The following CHCHD6 variants were observed in gnomAD, a reference collection of about 807,000 sequenced individuals.
CHCHD6 encodes MICOS complex subunit MIC25.
CHCHD6 carries 28 observed loss-of-function variants against 32.3 expected under a neutral mutation model. That is an observed-to-expected ratio of 0.87 (90% CI 0.64 to 1.19). CHCHD6 has a LOEUF of 1.19. Among genes scored for constraint, CHCHD6 ranks in the 50% most tolerant of loss-of-function variants. The pLI is 0.00. For synonymous variants in CHCHD6, 122 were observed against 117.5 expected (o/e 1.04, Z -0.25); for missense variants, 333 against 307.0 (o/e 1.08, Z -0.63).
chr3:126,899,087 A>C (rs1342817130), intron 5 of CHCHD6, among the ~76,000 whole-genome samples: 1 of 152,202 alleles, frequency 6.6e-6, no homozygotes, highest in Non-Finnish European at 1.5e-5. Flanking sequence ...GTGATGTCTA[A>C]AAGAGTAGAC....
At chr3:126,708,673 A>G (rs754013242) in intron 1 of CHCHD6, among the ~76,000 whole-genome samples, 20 of 148,688 alleles carry the variant, frequency 1.3e-4, no homozygotes, top group Admixed American at 2.0e-4. Flanking sequence ...AAAAAGCTTT[A>G]TTGGGATGCA....
intron 5 of CHCHD6, among the ~76,000 whole-genome samples, chr3:126,864,991 A>G (rs1398689055): frequency 7.1e-6 from 1 of 141,650 alleles, no homozygotes; most frequent in African/African-American, 2.7e-5. Context: ...CACTACCACC[A>G]TCACCTTTTC....
intron 5 of CHCHD6, among the ~76,000 whole-genome samples, chr3:126,896,285 GTTCTCTC>G (rs2077837803): frequency 6.6e-6 from 1 of 152,216 alleles, no homozygotes; most frequent in African/African-American, 2.4e-5. Flanking sequence ...GAGGGCATAT[GTTCTCTC>G]TCCTCTGCTC....
At chr3:126,804,398 AG>A (rs1217096186) in intron 4 of CHCHD6, among the ~76,000 whole-genome samples, 2 of 152,230 alleles carry the variant, frequency 1.3e-5, no homozygotes, top group Admixed American at 6.5e-5. Context: ...CCGATCCCAC[AG>A]AAATACAAAC....
chr3:126,854,271 T>G (rs1399879619), intron 5 of CHCHD6, among the ~76,000 whole-genome samples: 1 of 152,142 alleles, frequency 6.6e-6, no homozygotes, highest in Non-Finnish European at 1.5e-5. Flanking sequence ...TAGATGATTG[T>G]GAAGAGTTAT....
chr3:126,758,908 A>ATTC (rs1306865377), intron 4 of CHCHD6, among the ~76,000 whole-genome samples: 4 of 152,324 alleles, frequency 2.6e-5, no homozygotes, highest in African/African-American at 9.6e-5. Context: ...CTGGTGTTCA[A>ATTC]TAAAGAGTAA....
At chr3:126,892,149 C>T (rs573864884) in intron 5 of CHCHD6, among the ~76,000 whole-genome samples, 17 of 152,312 alleles carry the variant, frequency 1.1e-4, no homozygotes, top group Non-Finnish European at 1.8e-4. Flanking sequence ...TACTACAGCT[C>T]GTCCTCCTCT....
chr3:126,946,160 C>T (rs1162214204), intron 6 of CHCHD6, among the ~76,000 whole-genome samples: 2 of 152,116 alleles, frequency 1.3e-5, no homozygotes, highest in African/African-American at 4.8e-5. Context: ...GAAACAGCGC[C>T]AGAAAGCTCT....
chr3:126,910,596 T>C (rs542025411), intron 5 of CHCHD6, among the ~76,000 whole-genome samples: 10 of 152,356 alleles, frequency 6.6e-5, no homozygotes, highest in African/African-American at 1.4e-4. Context: ...ATTTGACTTA[T>C]ACAGTGTTCC....
intron 4 of CHCHD6, among the ~76,000 whole-genome samples, chr3:126,756,107 T>G (rs1330064444): frequency 6.6e-6 from 1 of 152,104 alleles, no homozygotes; most frequent in Non-Finnish European, 1.5e-5. Flanking sequence ...GAGAGCCTGA[T>G]GGACATTGCA....
intron 4 of CHCHD6, among the ~76,000 whole-genome samples, chr3:126,799,601 C>T (rs930838685): frequency 6.6e-6 from 1 of 152,166 alleles, no homozygotes; most frequent in Non-Finnish European, 1.5e-5. Flanking sequence ...AGCAGAGATT[C>T]TCAGAGCTCG....
intron 6 of CHCHD6, among the ~76,000 whole-genome samples, chr3:126,918,769 A>G (rs1381124243): frequency 1.3e-5 from 2 of 152,238 alleles, no homozygotes; most frequent in Non-Finnish European, 2.9e-5. Context: ...ACTTTGTGAC[A>G]TAGTAGGAAT....
rs1224916113 is a variant in CHCHD6 at position 126,861,548 on chromosome 3, CCACCACCAG to C, written c.495+8827_495+8835del. On this transcript the variant is annotated intron_variant, in intron 5 of 7. Transcript: ENST00000290913. The stretch of plus-strand genomic sequence containing the variant: ...ACTACCAACACCACCACCACCAGCA[CCACCACCAG>C]CACCACCACCTCATCCTCCTCATCC... 8.2e-4 allele frequency among the ~76,000 whole-genome samples: 125 copies of C among 151,770 alleles called. 1 individual carries two copies. The highest frequency in any genetic ancestry group is 3.0e-3 in the African/African-American group (125 of 41,274).
intron 7 of CHCHD6, chr3:126,957,782 G>A: frequency 1.6e-6 from 1 of 612,324 alleles, no homozygotes; most frequent in Non-Finnish European, 2.9e-6. Flanking sequence ...GATGATCCCT[G>A]TTGCGTTTGC....
chr3:126,834,220 C>A (rs956537496), intron 4 of CHCHD6, among the ~76,000 whole-genome samples: 3 of 152,130 alleles, frequency 2.0e-5, no homozygotes, highest in Admixed American at 6.5e-5. Flanking sequence ...ACAGAAGTGA[C>A]TCAGGGCTGC....
At chr3:126,777,826 A>T (rs1937722150) in intron 4 of CHCHD6, among the ~76,000 whole-genome samples, 1 of 152,228 alleles carries the variant, frequency 6.6e-6, no homozygotes, top group Non-Finnish European at 1.5e-5. Context: ...TAACTCAATT[A>T]TTTTTAGTAT....
intron 5 of CHCHD6, among the ~76,000 whole-genome samples, chr3:126,868,563 G>A (rs1391632746): frequency 2.0e-5 from 3 of 152,118 alleles, no homozygotes; most frequent in Non-Finnish European, 4.4e-5. Context: ...AGTTCACCTA[G>A]AGAGGTAACC....
In CHCHD6 at chr3:126,922,704, C is replaced by T. The variant is rs373264031; in HGVS notation, c.566+7954C>T. Among the ~76,000 whole-genome samples, 38 of 151,648 alleles carry T rather than the reference C, an allele frequency of 2.5e-4. No individual in the cohort carries two copies. In the East Asian group the frequency reaches 5.6e-3, roughly 22 times the overall value. ...GGCATCTTATGCAGGCATTGACTCC[C>T]GTGTGTATGTGTATGTGTGTGTGTG... On this transcript the variant is annotated intron_variant, in intron 6 of 7. Coordinates refer to ENST00000290913, the MANE Select transcript of CHCHD6 (RefSeq NM_032343.3).
intron 4 of CHCHD6, among the ~76,000 whole-genome samples, chr3:126,789,365 C>T (rs1415417682): frequency 6.6e-6 from 1 of 152,132 alleles, no homozygotes; most frequent in Admixed American, 6.5e-5. Flanking sequence ...GAGTTCAATT[C>T]CTGGGTATCC....
Sources: allele counts gnomAD v4.1 joint callset (sites outside exome capture counted in the v4.1 genomes callset), GRCh38; gene constraint gnomAD v4.1.1; transcripts MANE v1.5; gene names NCBI Gene and HGNC (gene_info 2026-07-23, HGNC 2026-07-21).